Variants in CLVS1 observed in about 807,000 individuals in gnomAD.
CLVS1 encodes clavesin 1.
CLVS1 carries 10 observed loss-of-function variants against 33.1 expected under a neutral mutation model. That is an observed-to-expected ratio of 0.30 (90% CI 0.19 to 0.51). CLVS1 has a LOEUF of 0.51. CLVS1 is among the 20% of genes least tolerant of loss of function. The pLI, the probability that CLVS1 is intolerant of heterozygous loss-of-function variation, is 0.97. For synonymous variants in CLVS1, 163 were observed against 166.1 expected (o/e 0.98, Z 0.14); for missense variants, 343 against 433.4 (o/e 0.79, Z 1.85).
intron 2 of CLVS1, among the ~76,000 whole-genome samples, chr8:61,329,203 ATCTCTCTCTC>A (rs34303330): frequency 6.9e-6 from 1 of 145,096 alleles, no homozygotes; most frequent in Non-Finnish European, 1.5e-5. Flanking sequence ...ACCCCTCCTC[ATCTCTCTCTC>A]TCTCTCTCTC....
the CLVS1 span, among the ~76,000 whole-genome samples, chr8:60,993,486 T>G: frequency 1.3e-5 from 2 of 152,344 alleles, no homozygotes; most frequent in African/African-American, 4.8e-5. Flanking sequence ...TTCACCTCTG[T>G]GCCTCAGGCT....
chr8:61,456,890 C>CCGAGA (rs1817183612), intron 4 of CLVS1, among the ~76,000 whole-genome samples: 4 of 148,940 alleles, frequency 2.7e-5, no homozygotes, highest in Admixed American at 2.7e-4. Context: ...TGCACTCCAG[C>CCGAGA]TTGGGCAACA....
chr8:61,216,680 CCA>C (rs1334441348), intron 2 of CLVS1, among the ~76,000 whole-genome samples: 15 of 152,076 alleles, frequency 9.9e-5, no homozygotes, highest in Non-Finnish European at 2.1e-4. Flanking sequence ...GGATTTGAAC[CCA>C]CAGTTTTCTG....
At chr8:61,179,462 G>A (rs1435482163) in intron 2 of CLVS1, among the ~76,000 whole-genome samples, 14 of 152,090 alleles carry the variant, frequency 9.2e-5, no homozygotes, top group Non-Finnish European at 5.9e-5. Context: ...GGATATTCAG[G>A]ACTTGAACTC....
the CLVS1 span, among the ~76,000 whole-genome samples, chr8:61,008,640 A>C: frequency 6.6e-6 from 1 of 152,088 alleles, no homozygotes; most frequent in South Asian, 2.1e-4. Flanking sequence ...GCGGGCATTC[A>C]CTTTTAAGAG....
intron 3 of CLVS1, among the ~76,000 whole-genome samples, chr8:61,410,071 T>G (rs1815158608): frequency 6.7e-6 from 1 of 150,170 alleles, no homozygotes; most frequent in African/African-American, 2.4e-5. Context: ...CAGAGGTTTT[T>G]TTTTTTTTTT....
chr8:61,429,033 G>A (rs1048471084), intron 3 of CLVS1, among the ~76,000 whole-genome samples: 4 of 152,124 alleles, frequency 2.6e-5, no homozygotes, highest in African/African-American at 9.7e-5. Context: ...AAATTTATTT[G>A]GTTTACAGTT....
intron 3 of CLVS1, among the ~76,000 whole-genome samples, chr8:61,419,396 CAA>C (rs10635998): frequency 2.1e-4 from 15 of 70,308 alleles, no homozygotes; most frequent in South Asian, 5.6e-4. Context: ...GACTCCGTCT[CAA>C]AAAAAAAAAA....
chr8:61,446,467 G>T lies in CLVS1; in HGVS notation c.631-7674G>T, dbSNP rs147726464. Among the ~76,000 whole-genome samples the T allele has an allele frequency of 7.9e-5, 12 of 152,252 alleles. No individual in the cohort carries two copies. In the East Asian group the frequency reaches 2.1e-3, roughly 27 times the overall value. On this transcript the variant is annotated intron_variant, in intron 3 of 5. Coordinates refer to ENST00000325897, the MANE Select transcript of CLVS1 (RefSeq NM_173519.3). ...AGGCTGAGAAGTCCAAAGTTGAGAG[G>T]TTGTATCTGTTGAGGGCCTTCTTGC...
At chr8:61,122,611 C>CACACACACAA (rs3222428) in intron 1 of CLVS1, among the ~76,000 whole-genome samples, 3 of 141,778 alleles carry the variant, frequency 2.1e-5, no homozygotes, top group Non-Finnish European at 3.0e-5. Flanking sequence ...CACACACACA[C>CACACACACAA]AAGAAAACAG....
chr8:61,318,953 C>A (rs2129596068), intron 2 of CLVS1, among the ~76,000 whole-genome samples: 1 of 151,988 alleles, frequency 6.6e-6, no homozygotes, highest in East Asian at 1.9e-4. Flanking sequence ...AGTTTTTATT[C>A]TTATAATTTC....
the CLVS1 span, among the ~76,000 whole-genome samples, chr8:60,966,913 C>G: frequency 6.6e-6 from 1 of 151,950 alleles, no homozygotes; most frequent in Non-Finnish European, 1.5e-5. Flanking sequence ...GGAAAAAATT[C>G]AAATAAAATT....
intron 2 of CLVS1, among the ~76,000 whole-genome samples, chr8:61,325,787 A>C (rs768941862): frequency 2.0e-5 from 3 of 152,100 alleles, no homozygotes; most frequent in Non-Finnish European, 4.4e-5. Flanking sequence ...TGACTATATG[A>C]AAGAGTTTTA....
intron 1 of CLVS1, among the ~76,000 whole-genome samples, chr8:61,089,323 A>G (rs1015972933): frequency 1.3e-4 from 20 of 152,208 alleles, no homozygotes; most frequent in Non-Finnish European, 7.3e-5. Context: ...ATTTACCAAA[A>G]TGTATGACAA....
At chr8:61,367,773 T>A (rs781367600) in intron 2 of CLVS1, among the ~76,000 whole-genome samples, 2 of 152,238 alleles carry the variant, frequency 1.3e-5, no homozygotes, top group African/African-American at 4.8e-5. Flanking sequence ...TAAATCAGAC[T>A]CTGCCGAACT....
the CLVS1 span, among the ~76,000 whole-genome samples, chr8:61,038,797 T>C: frequency 6.6e-6 from 1 of 152,178 alleles, no homozygotes; most frequent in Non-Finnish European, 1.5e-5. Context: ...GCTCAGCGCA[T>C]GTGAACCGAA....
At position 61,191,792 on chromosome 8, in the gene CLVS1, T is replaced by A. The variant is rs937326848; in HGVS notation, c.-152+59932T>A. On this transcript the variant is annotated intron_variant, in intron 2 of 2. Transcript: ENST00000522621. ...CCATTCACACTTGCTTCAAAGAGAA[T>A]AAAATACCTAGGAATCCAACTTACA... Among the ~76,000 whole-genome samples the A allele has an allele frequency of 2.0e-5, 3 of 152,162 alleles. No individual in the cohort carries two copies. The South Asian group carries it at 6.2e-4, about 32-fold the overall frequency.
chr8:60,979,796 T>C, the CLVS1 span, among the ~76,000 whole-genome samples: 21 of 152,198 alleles, frequency 1.4e-4, no homozygotes, highest in African/African-American at 4.8e-4. Flanking sequence ...TGTCACACTG[T>C]CAGCCTGCCT....
chr8:61,096,508 CA>C (rs1300329152), intron 1 of CLVS1, among the ~76,000 whole-genome samples: 11 of 152,254 alleles, frequency 7.2e-5, no homozygotes, highest in African/African-American at 2.6e-4. Flanking sequence ...AGTGAATCTC[CA>C]GATTCTCTAA....
Sources: allele counts gnomAD v4.1 joint callset (sites outside exome capture counted in the v4.1 genomes callset), GRCh38; gene constraint gnomAD v4.1.1; transcripts MANE v1.5; gene names NCBI Gene and HGNC (gene_info 2026-07-23, HGNC 2026-07-21).